ALG1L2: variants seen among roughly 807,000 people sequenced by gnomAD.
The protein encoded by ALG1L2 is ALG1 chitobiosyldiphosphodolichol beta-mannosyltransferase like 2.
Under a neutral mutation model 29.0 loss-of-function variants are expected in ALG1L2, and 32 were observed. That is an observed-to-expected ratio of 1.10 (90% CI 0.83 to 1.48). The LOEUF (loss-of-function observed/expected upper bound fraction) is 1.48, where lower values mean the gene tolerates loss of function less well. Ranked by LOEUF, ALG1L2 falls within the 40% of genes most tolerant of loss-of-function variation. ALG1L2 has a pLI of 0.00. For missense variants in ALG1L2, 318 were observed against 274.1 expected (o/e 1.16, Z -1.13); for synonymous variants, 110 against 109.5 (o/e 1.00, Z -0.03).
intron 1 of ALG1L2, among the ~76,000 whole-genome samples, chr3:130,087,420 C>T (rs1269622094): frequency 5.3e-5 from 8 of 149,810 alleles, no homozygotes; most frequent in Admixed American, 4.7e-4. Flanking sequence ...GACACAACAA[C>T]TGAAAATAAT....
chr3:130,095,857 T>C (rs921989796), intron 5 of ALG1L2, among the ~76,000 whole-genome samples, 192 bp from the exon 6 acceptor site: 7 of 152,186 alleles, frequency 4.6e-5, no homozygotes, highest in Non-Finnish European at 1.0e-4. Flanking sequence ...AGAAAAAGTG[T>C]CAACTTACAT....
chr3:130,088,721 T>C (rs1307348361), intron 1 of ALG1L2, among the ~76,000 whole-genome samples: 2 of 151,926 alleles, frequency 1.3e-5, no homozygotes, highest in Non-Finnish European at 1.5e-5. Flanking sequence ...CCCTGCCTGA[T>C]CTAATGGTTT....
At chr3:130,092,062 C>A (rs1457881071) in intron 2 of ALG1L2, 39 bp from the exon 3 acceptor site, 47 of 1,609,072 alleles carry the variant, frequency 2.9e-5, no homozygotes, top group Non-Finnish European at 3.7e-5. Flanking sequence ...CCTGGGCCTG[C>A]TCTGTGGCCT....
intron 1 of ALG1L2, among the ~76,000 whole-genome samples, chr3:130,084,902 C>T (rs1253189825): frequency 7.8e-6 from 1 of 128,212 alleles, no homozygotes; most frequent in Non-Finnish European, 1.8e-5. Context: ...CACAAAAATA[C>T]ACATATATGT....
At chr3:130,085,995 C>T (rs1302953563) in intron 1 of ALG1L2, among the ~76,000 whole-genome samples, 1 of 151,572 alleles carries the variant, frequency 6.6e-6, no homozygotes, top group East Asian at 1.9e-4. Flanking sequence ...GGCAGTGAGG[C>T]AGACGAGGAA....
intron 5 of ALG1L2, 75 bp from the exon 6 acceptor site, chr3:130,095,974 G>A (rs1328695874): frequency 2.9e-5 from 43 of 1,466,410 alleles, no homozygotes; most frequent in Non-Finnish European, 3.7e-5. Context: ...GGGGGGTGTT[G>A]CCTCACTGTG....
At position 130,098,207 on chromosome 3, in the gene ALG1L2, A is replaced by G; in HGVS notation, c.616-16A>G. The G allele has an allele frequency of 6.3e-7, 1 of 1,596,342 alleles. No homozygotes were observed. The highest frequency in any genetic ancestry group is 1.1e-5 in the South Asian group (1 of 90,978). On this transcript the variant is annotated splice_polypyrimidine_tract_variant and intron_variant, in intron 7 of 7. Coordinates refer to ENST00000425059, the MANE Select transcript of ALG1L2 (RefSeq NM_001136152.1). ...ATGGGGTGGGGACAGGCAATGAGGT[A>G]AGCTCTGCTCTTCAGTATTTTGCAG...
At chr3:130,093,021 G>A (rs1345480560) in intron 3 of ALG1L2, 80 bp from the exon 4 acceptor site, 16 of 1,267,938 alleles carry the variant, frequency 1.3e-5, no homozygotes, top group Non-Finnish European at 1.7e-5. Flanking sequence ...CAGAGCGAGA[G>A]TCTGTCAGAA....
At chr3:130,092,004 G>T (rs751358622) in intron 2 of ALG1L2, 97 bp from the exon 3 acceptor site, 4 of 1,566,756 alleles carry the variant, frequency 2.6e-6, no homozygotes, top group East Asian at 2.4e-5. Flanking sequence ...CACCCCAACC[G>T]TTGGGAGCCT....
rs748638777 is a variant in ALG1L2, at chr3:130,096,076, A to C, written c.452A>C (p.Asp151Ala). The C allele has an allele frequency of 6.3e-7, 1 of 1,577,772 alleles. No homozygotes were observed. The highest frequency in any genetic ancestry group is 1.1e-5 in the South Asian group (1 of 89,958). Residue 151 changes from aspartate (D) to alanine (A), a missense_variant, in exon 6 of 8, where the codon GAC becomes GCC. Physicochemically the swap from Asp to Ala is moderately radical, Grantham distance 126 (BLOSUM62 -2). Coordinates refer to ENST00000425059, the MANE Select transcript of ALG1L2 (RefSeq NM_001136152.1). ...TCGGTGGACCTGGATGTCTGTCTGG[A>C]CACGTCCTCCAGTGGCCTGGACCTG... The part of the protein sequence containing the change: ...LGSVDLDVCL[D>A]TSSSGLDLPM...
intron 1 of ALG1L2, among the ~76,000 whole-genome samples, chr3:130,090,445 A>C (rs1023093351): frequency 6.6e-6 from 1 of 152,306 alleles, no homozygotes; most frequent in African/African-American, 2.4e-5. Context: ...CTGCAGTGAG[A>C]ATTCCCCTGT....
intron 2 of ALG1L2, 76 bp downstream of exon 2, chr3:130,091,447 G>A: frequency 6.9e-7 from 1 of 1,450,300 alleles, no homozygotes; most frequent in Non-Finnish European, 9.4e-7. Flanking sequence ...CTGCAGACCT[G>A]GGAACCCACT....
intron 1 of ALG1L2, among the ~76,000 whole-genome samples, chr3:130,085,569 C>T (rs753262869): frequency 6.6e-6 from 1 of 150,400 alleles, no homozygotes; most frequent in African/African-American, 2.4e-5. Context: ...ACGCATTATA[C>T]TGGATAAAGC....
chr3:130,096,940 A>T (rs1559789354), intron 6 of ALG1L2, among the ~76,000 whole-genome samples: 2 of 152,206 alleles, frequency 1.3e-5, no homozygotes, highest in Admixed American at 1.3e-4. Context: ...CACAGAAGGT[A>T]CAAACCTTCC....
In ALG1L2 at chr3:130,096,150, G is replaced by A. The variant is rs750123244; in HGVS notation, c.526G>A (p.Val176Met). Residue 176 changes from valine (V) to methionine (M), a missense_variant, in exon 6 of 8, where the codon GTG becomes ATG. Transcript: ENST00000425059. ...MFRCCLPACA[V>M]NFKCLHELVK... is the part of the protein sequence containing the mutation. The stretch of plus-strand genomic sequence containing the variant: ...CAGGTGCTGTTTGCCTGCGTGTGCC[G>A]TGAACTTCAAGTGGTAGGAGCAGAA... The A allele has an allele frequency of 2.0e-5, 33 of 1,611,694 alleles. No homozygotes were observed. In the African/African-American group the frequency reaches 2.1e-4, roughly 10 times the overall value.
chr3:130,096,376 G>T (rs1935134354), intron 6 of ALG1L2, among the ~76,000 whole-genome samples: 1 of 151,894 alleles, frequency 6.6e-6, no homozygotes, highest in Non-Finnish European at 1.5e-5. Context: ...TTACATTTAG[G>T]TTGGTACAAA....
At chr3:130,092,061 G>C (rs1364915440) in intron 2 of ALG1L2, 40 bp from the exon 3 acceptor site, 4 of 1,608,904 alleles carry the variant, frequency 2.5e-6, no homozygotes, top group Non-Finnish European at 3.4e-6. Context: ...TCCTGGGCCT[G>C]CTCTGTGGCC....
At chr3:130,084,299 C>CGACA (rs376123466) in intron 1 of ALG1L2, among the ~76,000 whole-genome samples, 1 of 145,716 alleles carries the variant, frequency 6.9e-6, no homozygotes, top group Non-Finnish European at 1.5e-5. Flanking sequence ...TTCCCCCCCT[C>CGACA]AAAAAAAATT....
chr3:130,096,484 G>A, intron 6 of ALG1L2, among the ~76,000 whole-genome samples: 1 of 151,766 alleles, frequency 6.6e-6, no homozygotes, highest in Non-Finnish European at 1.5e-5. Flanking sequence ...TTCACTCGGG[G>A]CTTTTGCTCC....
Sources: allele counts gnomAD v4.1 joint callset (sites outside exome capture counted in the v4.1 genomes callset), GRCh38; gene constraint gnomAD v4.1.1; transcripts MANE v1.5; gene names NCBI Gene and HGNC (gene_info 2026-07-23, HGNC 2026-07-21).